The following ZSWIM6 variants were observed in gnomAD, a reference collection of about 807,000 sequenced individuals.
The protein encoded by ZSWIM6 is zinc finger SWIM-type containing 6.
Under a neutral mutation model 113.2 loss-of-function variants are expected in ZSWIM6, and 9 were observed. The observed-to-expected ratio is 0.08, with a 90% confidence interval of 0.05 to 0.14. The LOEUF (loss-of-function observed/expected upper bound fraction) is 0.14, where lower values mean the gene tolerates loss of function less well. ZSWIM6 is among the 10% of genes least tolerant of loss of function. ZSWIM6 has a pLI of 1.00. For missense variants in ZSWIM6, 1,162 were observed against 1,552.2 expected (o/e 0.75, Z 4.22); for synonymous variants, 611 against 606.5 (o/e 1.01, Z -0.11).
chr5:61,481,678 A>G (rs1747870578), intron 2 of ZSWIM6, among the ~76,000 whole-genome samples: 1 of 151,964 alleles, frequency 6.6e-6, no homozygotes, highest in Non-Finnish European at 1.5e-5. Context: ...ATCAAGCAGT[A>G]GACAGGGGAC....
At chr5:61,518,719 T>C (rs1455645612) in intron 4 of ZSWIM6, among the ~76,000 whole-genome samples, 1 of 151,886 alleles carries the variant, frequency 6.6e-6, no homozygotes, top group African/African-American at 2.4e-5. Flanking sequence ...TTGCGAAAAT[T>C]TTCTCCCATT....
chr5:61,400,629 C>T (rs932826059), intron 1 of ZSWIM6, among the ~76,000 whole-genome samples: 1 of 152,186 alleles, frequency 6.6e-6, no homozygotes, highest in African/African-American at 2.4e-5. Flanking sequence ...TTTTTTGACC[C>T]TTGGCAGTGC....
At chr5:61,377,483 C>G (rs1745395184) in intron 1 of ZSWIM6, among the ~76,000 whole-genome samples, 1 of 152,022 alleles carries the variant, frequency 6.6e-6, no homozygotes, top group African/African-American at 2.4e-5. Context: ...CTTTGGGAGG[C>G]TGAGGCTGGC....
At chr5:61,479,120 A>G (rs985672780) in intron 2 of ZSWIM6, among the ~76,000 whole-genome samples, 2 of 152,014 alleles carry the variant, frequency 1.3e-5, no homozygotes, top group Non-Finnish European at 2.9e-5. Context: ...GCAGTGAGCC[A>G]AGATCGCACC....
At chr5:61,541,842 C>A in intron 12 of ZSWIM6, 42 bp from the exon 13 acceptor site, 1 of 1,467,940 alleles carries the variant, frequency 6.8e-7, no homozygotes, top group Non-Finnish European at 9.2e-7. Context: ...TTCATTGACT[C>A]AGGATAATTT....
chr5:61,416,293 T>C (rs1041107108), intron 1 of ZSWIM6, among the ~76,000 whole-genome samples: 1 of 152,212 alleles, frequency 6.6e-6, no homozygotes, highest in African/African-American at 2.4e-5. Context: ...ATTTCCCTAC[T>C]AGTGAAGCTT....
chr5:61,334,171 C>T (rs1399035123), intron 1 of ZSWIM6, among the ~76,000 whole-genome samples: 1 of 152,206 alleles, frequency 6.6e-6, no homozygotes, highest in Non-Finnish European at 1.5e-5. Context: ...CTGACAGATC[C>T]TGAGAGTTTT....
At chr5:61,355,399 G>A (rs935254232) in intron 1 of ZSWIM6, among the ~76,000 whole-genome samples, 3 of 148,404 alleles carry the variant, frequency 2.0e-5, no homozygotes, top group Non-Finnish European at 3.0e-5. Context: ...TAGCTTACCT[G>A]TTTACAGTGC....
At chr5:61,352,936 G>A (rs1561203510) in intron 1 of ZSWIM6, among the ~76,000 whole-genome samples, 1 of 152,196 alleles carries the variant, frequency 6.6e-6, no homozygotes, top group Admixed American at 6.5e-5. Flanking sequence ...GAGCAACTGT[G>A]TTTGGTCATG....
chr5:61,494,210 T>C lies in ZSWIM6; in HGVS notation c.1183-50T>C, dbSNP rs77230862. 249,311 of 1,535,014 alleles carry C rather than the reference T, an allele frequency of 0.16. 21,660 individuals carry two copies. Among genetic ancestry groups the C allele is most frequent in the Middle Eastern group, 0.2 (1,119 of 5,678 alleles). ...TCTCTTGTGTTGCTGTGGGGTTTTGTTGTGTTTTCGTTTTGAACAATTTTC... is the reference window on the plus strand; with the variant it reads ...TCTCTTGTGTTGCTGTGGGGTTTTGCTGTGTTTTCGTTTTGAACAATTTTC... On this transcript the variant is annotated intron_variant, in intron 3 of 13. Transcript: ENST00000252744.
At chr5:61,399,394 T>A (rs1474945804) in intron 1 of ZSWIM6, among the ~76,000 whole-genome samples, 1 of 152,152 alleles carries the variant, frequency 6.6e-6, no homozygotes, top group Non-Finnish European at 1.5e-5. Context: ...CATACTGAAA[T>A]CTCCTCTTTA....
chr5:61,535,406 A>G, intron 9 of ZSWIM6, 78 bp from the exon 10 acceptor site: 1 of 1,479,260 alleles, frequency 6.8e-7, no homozygotes, highest in Non-Finnish European at 9.2e-7. Context: ...ACTTTATGTG[A>G]CATTTTAACA....
At chr5:61,522,863 C>T (rs1356729791) in intron 5 of ZSWIM6, among the ~76,000 whole-genome samples, 2 of 152,210 alleles carry the variant, frequency 1.3e-5, no homozygotes, top group Non-Finnish European at 2.9e-5. Flanking sequence ...TTCCCCACTG[C>T]TTTTGGGGAC....
chr5:61,476,516 C>T (rs1456129657), intron 2 of ZSWIM6, among the ~76,000 whole-genome samples: 2 of 152,102 alleles, frequency 1.3e-5, no homozygotes, highest in Non-Finnish European at 2.9e-5. Flanking sequence ...AAATTAACCA[C>T]TACATGCTAA....
intron 4 of ZSWIM6, among the ~76,000 whole-genome samples, chr5:61,498,238 GT>G (rs1435441411): frequency 6.6e-6 from 1 of 152,156 alleles, no homozygotes; most frequent in African/African-American, 2.4e-5. Context: ...TACATAATAT[GT>G]TTTTCCCCAA....
At position 61,544,586 on chromosome 5, in the gene ZSWIM6, G is replaced by A. The variant is rs184492192; in HGVS notation, c.*269G>A. On this transcript the variant is annotated 3_prime_UTR_variant, in exon 14 of 14. Transcript: ENST00000252744. The stretch of plus-strand genomic sequence containing the variant: ...ATGAGAGAGAGGTTAAAAAGGTTTG[G>A]TTTACACTGAGTATATGTTGTCAAG... The A allele has an allele frequency of 1.1e-3, 201 of 178,378 alleles. 2 individuals carry two copies. The highest frequency in any genetic ancestry group is 1.8e-3 in the Non-Finnish European group (153 of 86,696). 11.0% of individuals were successfully genotyped at this position (178,378 alleles called of 1,614,324 possible).
At chr5:61,454,645 G>A (rs947458189) in intron 1 of ZSWIM6, among the ~76,000 whole-genome samples, 2 of 149,810 alleles carry the variant, frequency 1.3e-5, no homozygotes, top group African/African-American at 2.5e-5. Flanking sequence ...GCAGTGGCGC[G>A]ATCTTGGCTC....
At chr5:61,506,145 C>T (rs1167927030) in intron 4 of ZSWIM6, among the ~76,000 whole-genome samples, 1 of 152,138 alleles carries the variant, frequency 6.6e-6, no homozygotes, top group Non-Finnish European at 1.5e-5. Context: ...ATTTAGCTAA[C>T]AGTTTTGCCA....
At chr5:61,427,119 A>C (rs1746478017) in intron 1 of ZSWIM6, among the ~76,000 whole-genome samples, 1 of 152,196 alleles carries the variant, frequency 6.6e-6, no homozygotes, top group Non-Finnish European at 1.5e-5. Flanking sequence ...TGACTGAATT[A>C]TCTTTACTAC....
Sources: gnomAD v4.1 joint callset for allele counts (sites outside exome capture counted in the v4.1 genomes callset) on GRCh38, gnomAD v4.1.1 for gene constraint, MANE v1.5 for transcripts, NCBI Gene and HGNC (gene_info 2026-07-23, HGNC 2026-07-21) for gene names.